MYBBP1A: variants seen among roughly 807,000 people sequenced by gnomAD.
The protein encoded by MYBBP1A is MYB binding protein 1a.
A neutral mutation model predicts 136.3 loss-of-function variants in MYBBP1A; 147 were observed. That is an observed-to-expected ratio of 1.08 (90% confidence interval 0.94 to 1.24). MYBBP1A has a LOEUF of 1.24. MYBBP1A is among the 50% of genes most tolerant of loss of function. The pLI is 0.00. For synonymous variants in MYBBP1A, 947 were observed against 735.8 expected (o/e 1.29, Z -4.65); for missense variants, 2,060 against 1,727.4 (o/e 1.19, Z -3.41).
At chr17:4,549,537 G>A (rs967683170) in intron 9 of MYBBP1A, 95 bp from the exon 10 acceptor site, 1 of 1,134,996 alleles carries the variant, frequency 8.8e-7, no homozygotes, top group East Asian at 2.7e-5. Flanking sequence ...AGCACTTTGG[G>A]AGGCCAAGGC....
rs936827935 is a variant in MYBBP1A, at chr17:4,548,706, C to T, written c.1431-57G>A. 27 of 1,608,014 alleles carry T rather than the reference C, an allele frequency of 1.7e-5. No homozygotes were observed. The South Asian group carries it at 2.7e-4, about 16-fold the overall frequency. On this transcript the variant is annotated intron_variant, in intron 10 of 25. Coordinates refer to ENST00000254718, the MANE Select transcript of MYBBP1A (RefSeq NM_014520.4). The surrounding 1 kb of genome is among the most constrained non-coding windows in gnomAD (Gnocchi z 4.2). ...TCACTGCCATTGGTTTTTACAGGCT[C>T]CCCTCCTTGGATGGTACCACCGAGG...
Position 4,548,390 on chromosome 17 carries a change from G to A in MYBBP1A, c.1557-80C>T. The A allele has an allele frequency of 6.9e-6, 11 of 1,601,962 alleles. No homozygotes were observed. Among genetic ancestry groups the A allele is most frequent in the Non-Finnish European group, 9.4e-6 (11 of 1,173,060 alleles). ...CTCCCTCCGCCCTCCCCAGGGCTCG[G>A]TCTCCCGCCTCTCCAGGACCTACTA... On this transcript the variant is annotated intron_variant, in intron 11 of 25. Transcript: ENST00000254718. This position sits in a 1 kb window ranked among gnomAD's most constrained non-coding sequence, Gnocchi z 4.2.
At chr17:4,553,677 A>C (rs1489066055) in intron 5 of MYBBP1A, 133 bp downstream of exon 5, 1 of 667,056 alleles carries the variant, frequency 1.5e-6, no homozygotes, top group Non-Finnish European at 2.5e-6. Flanking sequence ...TTTTCAACAA[A>C]GTCACTGAAA....
intron 2 of MYBBP1A, 152 bp from the exon 3 acceptor site, chr17:4,554,430 T>C: frequency 3.0e-6 from 2 of 658,542 alleles, no homozygotes; most frequent in East Asian, 2.7e-5. Context: ...GGCCCCTAGA[T>C]TACTAGTCTG....
Position 4,555,313 on chromosome 17 carries a change from C to G in MYBBP1A, c.12G>C (p.Arg4=). 6.3e-7 allele frequency: 1 copy of G among 1,597,840 alleles called. No individual in the cohort carries two copies. The highest frequency in any genetic ancestry group is 8.5e-7 in the Non-Finnish European group (1 of 1,173,488). ...CAGGCGACATCGGCTGGGCGGGATCCCGGCTCTCCATCTCCGCCACACTCA... is the reference window on the plus strand; with the variant it reads ...CAGGCGACATCGGCTGGGCGGGATCGCGGCTCTCCATCTCCGCCACACTCA... The part of the protein sequence containing the change: MES[R]DPAQPMSPGE... The change falls in exon 1 of 26, where the codon CGG becomes CGC. Residue 4 remains arginine, a synonymous_variant. Transcript: ENST00000254718.
Position 4,552,505 on chromosome 17 carries a change from T to C in MYBBP1A, c.683A>G (p.Lys228Arg). ...CACGGATCCCACCAGCTTCTTGAGC[T>C]TGGAGGGCACCTTCTGCTGGGCCAG... is the stretch of plus-strand genomic sequence containing the variant. ...FLLAQQKVPS[K>R]LKKLVGSVNL... Residue 228 changes from lysine (K) to arginine (R), a missense_variant, in exon 6 of 26, where the codon AAG becomes AGG. Transcript: ENST00000254718. The surrounding 1 kb of genome is among the most constrained non-coding windows in gnomAD (Gnocchi z 4.7). 4 of 1,613,912 alleles carry C rather than the reference T, an allele frequency of 2.5e-6. No individual in the cohort carries two copies. The highest frequency in any genetic ancestry group is 3.4e-6 in the Non-Finnish European group (4 of 1,180,028).
chr17:4,549,239 C>G (rs906449226), intron 10 of MYBBP1A, 93 bp downstream of exon 10: 2 of 1,096,396 alleles, frequency 1.8e-6, no homozygotes, highest in Non-Finnish European at 2.6e-6. Flanking sequence ...CCAAAGGCTT[C>G]TGGCTCCAGG....
intron 13 of MYBBP1A, among the ~76,000 whole-genome samples, chr17:4,546,309 G>T (rs1333357071): frequency 6.6e-6 from 1 of 152,172 alleles, no homozygotes; most frequent in Non-Finnish European, 1.5e-5. Flanking sequence ...AGTAGAGACG[G>T]GGTTTCACCA....
rs1035745974 is a variant in MYBBP1A, at chr17:4,548,717, A to AT, written c.1431-69dup. ...GGTTTTTACAGGCTCCCCTCCTTGGATGGTACCACCGAGGGTACAAGGCCA... is the reference window on the plus strand; with the variant it reads ...GGTTTTTACAGGCTCCCCTCCTTGGATTGGTACCACCGAGGGTACAAGGCCA... On this transcript the variant is annotated intron_variant, in intron 10 of 25. Coordinates refer to ENST00000254718, the MANE Select transcript of MYBBP1A (RefSeq NM_014520.4). The surrounding 1 kb of genome is among the most constrained non-coding windows in gnomAD (Gnocchi z 4.2). 8.3e-5 allele frequency: 132 copies of AT among 1,598,196 alleles called. 2 individuals are homozygous for AT. The highest frequency in any genetic ancestry group is 2.6e-4 in the South Asian group (23 of 89,400).
rs1907766577 is a variant in MYBBP1A at position 4,553,887 on chromosome 17, G to C, written c.484C>G (p.Leu162Val). Residue 162 changes from leucine (L) to valine (V), a missense_variant, in exon 5 of 26, where the codon CTG becomes GTG. Coordinates refer to ENST00000254718, the MANE Select transcript of MYBBP1A (RefSeq NM_014520.4). ...DQEALMKSVKLLQALAQYQNH... is the reference protein window; with the variant it reads ...DQEALMKSVKVLQALAQYQNH... ...TGGTACTGGGCCAGGGCCTGCAGCAGCTTCACCGACTTCATCAGTGCCTCC... is the reference window on the plus strand; with the variant it reads ...TGGTACTGGGCCAGGGCCTGCAGCACCTTCACCGACTTCATCAGTGCCTCC... 1 of 1,614,072 alleles carries C rather than the reference G, an allele frequency of 6.2e-7. No homozygotes were observed. The highest frequency in any genetic ancestry group is 8.5e-7 in the Non-Finnish European group (1 of 1,180,024).
At chr17:4,544,430 G>A (rs1436183235) in intron 19 of MYBBP1A, 59 bp downstream of exon 19, 8 of 1,534,610 alleles carry the variant, frequency 5.2e-6, no homozygotes, top group African/African-American at 4.1e-5. Flanking sequence ...TAGAGCTCTG[G>A]CTCTCCTGCG....
In MYBBP1A at chr17:4,544,680, G is replaced by T. The variant is rs746117192; in HGVS notation, c.2482-34C>A. 2.1e-5 allele frequency: 31 copies of T among 1,465,530 alleles called. No homozygotes were observed. In the Admixed American group the frequency reaches 4.0e-4, roughly 19 times the overall value. The allele number at this position is 1,465,530 out of a possible 1,614,324, so 90.8% of individuals were successfully genotyped here. A position where few individuals can be genotyped will look rare whatever the true frequency, so the allele number is the denominator to read the frequency against. ...AGGAGGGCAGGTCAGCAACACGGGGGTGGGCGCACAGGGAGGCGGGGGTGG... is the reference window on the plus strand; with the variant it reads ...AGGAGGGCAGGTCAGCAACACGGGGTTGGGCGCACAGGGAGGCGGGGGTGG... On this transcript the variant is annotated intron_variant, in intron 18 of 25. Coordinates refer to ENST00000254718, the MANE Select transcript of MYBBP1A (RefSeq NM_014520.4).
At position 4,554,039 on chromosome 17, in the gene MYBBP1A, G is replaced by GA. The variant is rs752478945; in HGVS notation, c.432dup (p.Gln145SerfsTer69). On this transcript the variant is annotated frameshift_variant, in exon 4 of 26. Transcript: ENST00000254718. LOFTEE classifies it high-confidence loss of function. The stretch of plus-strand genomic sequence containing the variant: ...CTTACCTTCACCAGCCGACCTGACT[G>GA]AAAGAGGGCGAGCACTCCAAACAGG... 1.4e-5 allele frequency: 22 copies of GA among 1,614,044 alleles called. No homozygotes were observed. The highest frequency in any genetic ancestry group is 1.7e-5 in the Non-Finnish European group (20 of 1,180,028).
chr17:4,540,375 C>A lies in MYBBP1A; in HGVS notation c.3407G>T (p.Trp1136Leu). The A allele has an allele frequency of 6.2e-7, 1 of 1,609,252 alleles. No homozygotes were observed. The change falls in exon 25 of 26, where the codon TGG becomes TTG. Residue 1136 changes from tryptophan (W) to leucine (L), a missense_variant. Coordinates refer to ENST00000254718, the MANE Select transcript of MYBBP1A (RefSeq NM_014520.4). ...TGSSRLHDLYWQAMKTLGVQR... is the reference protein window; with the variant it reads ...TGSSRLHDLYLQAMKTLGVQR... ...GACTCCCAGGGTTTTCATGGCCTGC[C>A]AGTAGAGGTCGTGCAGGCGGCTGGA...
rs757631807 is a variant in MYBBP1A, at chr17:4,541,560, A to T, written c.3200T>A (p.Leu1067Ter). ...GGTCTGCGCCTCCCCCAGCACGCGC[A>T]AGTTCTAGGGAAGGGTGGCCAGGCT... The part of the protein sequence containing the change: ...GQVLAKVTEN[L>*]RVLGEAQTKA... The change falls in exon 24 of 26, where the codon TTG (leucine) becomes TAG (stop). Residue 1067 changes from leucine to a stop codon, truncating the protein, a stop_gained. Transcript: ENST00000254718. LOFTEE classifies it high-confidence loss of function. 23 of 1,611,990 alleles carry T rather than the reference A, an allele frequency of 1.4e-5. No individual in the cohort carries two copies. Among genetic ancestry groups the T allele is most frequent in the Non-Finnish European group, 4.2e-6 (5 of 1,179,984 alleles).
In MYBBP1A at chr17:4,544,999, GC is replaced by G. The variant is rs759908303; in HGVS notation, c.2310+26del. The stretch of plus-strand genomic sequence containing the variant: ...GGGGACACCCGAGCCCTCCCCGGCC[GC>G]CCCCCCCTCCACCTCCCCCACTCAC... On this transcript the variant is annotated intron_variant, in intron 17 of 25. Coordinates refer to ENST00000254718, the MANE Select transcript of MYBBP1A (RefSeq NM_014520.4). 7.2e-4 allele frequency: 357 copies of G among 498,744 alleles called. 3 individuals are homozygous for G. In the South Asian group the frequency reaches 7.3e-3, roughly 10 times the overall value. 30.9% of individuals were successfully genotyped at this position (498,744 alleles called of 1,614,324 possible).
At position 4,545,290 on chromosome 17, in the gene MYBBP1A, TCGTC is replaced by T. The variant is rs1157164706; in HGVS notation, c.2125_2128del (p.Asp709IlefsTer7). ...ACCCTTCAGCCGCCGCTCATCAGAA[TCGTC>T]CGTCACCACCACACGGTCATTCTCA... is the stretch of plus-strand genomic sequence containing the variant. On this transcript the variant is annotated frameshift_variant, in exon 16 of 26. Coordinates refer to ENST00000254718, the MANE Select transcript of MYBBP1A (RefSeq NM_014520.4). LOFTEE classifies it high-confidence loss of function. The T allele has an allele frequency of 1.9e-6, 3 of 1,610,750 alleles. No individual in the cohort carries two copies. In the African/African-American group the frequency reaches 4.1e-5, roughly 22 times the overall value.
rs1447388100 is a variant in MYBBP1A, at chr17:4,549,877, G to A, written c.1319+181C>T. On this transcript the variant is annotated intron_variant, in intron 9 of 25. Coordinates refer to ENST00000254718, the MANE Select transcript of MYBBP1A (RefSeq NM_014520.4). ...CAACACTCCAAGATCTCCCCATCCC[G>A]ATCGCCAGTGTGGGGACACACAAGT... Among the ~76,000 whole-genome samples the A allele has an allele frequency of 2.0e-5, 3 of 150,122 alleles. No individual in the cohort carries two copies. In the South Asian group the frequency reaches 6.4e-4, roughly 32 times the overall value.
At chr17:4,545,401 C>A in intron 15 of MYBBP1A, 56 bp from the exon 16 acceptor site, 4 of 1,596,544 alleles carry the variant, frequency 2.5e-6, no homozygotes, top group Non-Finnish European at 3.4e-6. Flanking sequence ...CCTCTCCAGG[C>A]CCCACTCAGC....
Sources: gnomAD v4.1 joint callset for allele counts (sites outside exome capture counted in the v4.1 genomes callset) on GRCh38, gnomAD v4.1.1 for gene constraint, Gnocchi (gnomAD v3.1) non-coding constraint, MANE v1.5 for transcripts, NCBI Gene and HGNC (gene_info 2026-07-23, HGNC 2026-07-21) for gene names.